EYA1: variants seen among roughly 807,000 people sequenced by gnomAD.
The protein encoded by EYA1 is EYA transcriptional coactivator and phosphatase 1.
A neutral mutation model predicts 82.0 loss-of-function variants in EYA1; 16 were observed. The observed-to-expected ratio is 0.20, with a 90% confidence interval of 0.13 to 0.30. The LOEUF (loss-of-function observed/expected upper bound fraction) is 0.30. EYA1 is among the 10% of genes least tolerant of loss of function. The pLI is 1.00. For missense variants in EYA1, 633 were observed against 730.7 expected, an observed-to-expected ratio of 0.87 and a Z score of 1.54; for synonymous variants, 261 against 264.4, an observed-to-expected ratio of 0.99 and a Z score of 0.12.
chr8:71,223,823 T>C (rs1392899547), intron 12 of EYA1, among the ~76,000 whole-genome samples: 1 of 152,222 alleles, frequency 6.6e-6, no homozygotes, highest in Non-Finnish European at 1.5e-5. Flanking sequence ...CAGAGGCTCA[T>C]ATGCAAAATA....
chr8:71,309,691 A>G (rs1221073890), intron 7 of EYA1, among the ~76,000 whole-genome samples: 1 of 152,206 alleles, frequency 6.6e-6, no homozygotes, highest in South Asian at 2.1e-4. Flanking sequence ...GTTCAGGCGT[A>G]CATTTGAAAA....
intron 2 of EYA1, among the ~76,000 whole-genome samples, chr8:71,442,212 A>G (rs1172024985): frequency 6.6e-6 from 1 of 152,220 alleles, no homozygotes; most frequent in African/African-American, 2.4e-5. Flanking sequence ...GCAATGCACT[A>G]AACTCTTCAC....
At chr8:71,207,364 A>AAGTT (rs1213636558) in intron 17 of EYA1, among the ~76,000 whole-genome samples, 2 of 152,210 alleles carry the variant, frequency 1.3e-5, no homozygotes, top group African/African-American at 2.4e-5. Context: ...TCCTTCAATA[A>AAGTT]AGTTAGAAAA....
intron 2 of EYA1, among the ~76,000 whole-genome samples, chr8:71,532,230 C>G (rs1586898792): frequency 6.6e-6 from 1 of 152,272 alleles, no homozygotes; most frequent in East Asian, 1.9e-4. Context: ...GGAATGAACA[C>G]ACTCTTGTTT....
intron 2 of EYA1, among the ~76,000 whole-genome samples, chr8:71,519,037 T>G (rs190447565): frequency 1.3e-5 from 2 of 152,312 alleles, no homozygotes; most frequent in African/African-American, 4.8e-5. Context: ...ACTGTACAGT[T>G]TGGTTACCAA....
intron 7 of EYA1, among the ~76,000 whole-genome samples, chr8:71,300,173 C>T (rs1820047371): frequency 6.6e-6 from 1 of 152,010 alleles, no homozygotes. Context: ...ATTAAAATGG[C>T]GTATGGAAAA....
chr8:71,486,804 T>C (rs1810606358), intron 2 of EYA1, among the ~76,000 whole-genome samples: 1 of 151,986 alleles, frequency 6.6e-6, no homozygotes, highest in African/African-American at 2.4e-5. Context: ...CTCAGGGTCA[T>C]GCTGAAAGAA....
At chr8:71,397,980 G>A (rs1380748334) in intron 2 of EYA1, among the ~76,000 whole-genome samples, 1 of 152,114 alleles carries the variant, frequency 6.6e-6, no homozygotes, top group African/African-American at 2.4e-5. Flanking sequence ...TGGAGGCTTT[G>A]TTCATTTCTT....
chr8:71,305,007 G>T (rs1820574146), intron 7 of EYA1, among the ~76,000 whole-genome samples: 1 of 142,916 alleles, frequency 7.0e-6, no homozygotes, highest in Admixed American at 6.9e-5. Context: ...CACCAGGCTT[G>T]AACCTGGATG....
chr8:71,292,720 A>C (rs1819140246), intron 9 of EYA1, among the ~76,000 whole-genome samples: 1 of 152,068 alleles, frequency 6.6e-6, no homozygotes, highest in Non-Finnish European at 1.5e-5. Context: ...TAAAAACAAA[A>C]ATAAGTATTA....
intron 2 of EYA1, among the ~76,000 whole-genome samples, chr8:71,462,392 G>T (rs1808425435): frequency 6.6e-6 from 1 of 152,168 alleles, no homozygotes; most frequent in Non-Finnish European, 1.5e-5. Context: ...TGGGTGCCAG[G>T]AAGAGGGAGA....
At chr8:71,351,740 G>A (rs1826330497) in intron 3 of EYA1, among the ~76,000 whole-genome samples, 1 of 152,170 alleles carries the variant, frequency 6.6e-6, no homozygotes, top group Non-Finnish European at 1.5e-5. Context: ...GACTTAAGAA[G>A]AAACTTAATA....
Position 71,283,309 on chromosome 8 carries a change from C to A in EYA1, c.827-11412G>T, listed in dbSNP as rs566550002. 1.1e-3 allele frequency among the ~76,000 whole-genome samples: 169 copies of A among 152,278 alleles called. 1 individual carries two copies. Among genetic ancestry groups the A allele is most frequent in the African/African-American group, 3.5e-3 (145 of 41,560 alleles). On this transcript the variant is annotated intron_variant, in intron 9 of 17. Coordinates refer to ENST00000340726, the MANE Select transcript of EYA1 (RefSeq NM_000503.6). ...TGAAGGCCTCTGCTCAAGTGTCACC[C>A]GATGGACAACTCTTCCGAAACAGTT...
intron 2 of EYA1, among the ~76,000 whole-genome samples, chr8:71,525,637 A>G (rs1293004633): frequency 6.6e-6 from 1 of 152,150 alleles, no homozygotes; most frequent in African/African-American, 2.4e-5. Context: ...CTCACCCTCA[A>G]ATTATCAAAA....
intron 2 of EYA1, among the ~76,000 whole-genome samples, chr8:71,435,130 C>T (rs1016576631): frequency 6.6e-6 from 1 of 152,112 alleles, no homozygotes; most frequent in Non-Finnish European, 1.5e-5. Context: ...ATTCAAGGTT[C>T]TGGGAAACCT....
At chr8:71,506,718 T>C (rs1314812395) in intron 2 of EYA1, among the ~76,000 whole-genome samples, 3 of 151,960 alleles carry the variant, frequency 2.0e-5, no homozygotes, top group Admixed American at 6.6e-5. Flanking sequence ...ATGTAAAAAA[T>C]AAAAGCATGA....
chr8:71,456,291 A>G (rs1203363111), intron 2 of EYA1, among the ~76,000 whole-genome samples: 5 of 152,240 alleles, frequency 3.3e-5, no homozygotes, highest in Non-Finnish European at 7.3e-5. Flanking sequence ...TTCCATGCTC[A>G]TGGATAGGAA....
intron 12 of EYA1, chr8:71,225,118 C>A: frequency 2.9e-6 from 1 of 347,564 alleles, no homozygotes; most frequent in Non-Finnish European, 5.9e-6. Flanking sequence ...AAAGAGGAGA[C>A]TGCCCAACTG....
At chr8:71,475,979 G>C (rs1809631695) in intron 2 of EYA1, among the ~76,000 whole-genome samples, 3 of 152,046 alleles carry the variant, frequency 2.0e-5, no homozygotes, top group Admixed American at 2.0e-4. Context: ...ATTTAAAGCT[G>C]GAAGAAAGAA....
Sources: gnomAD v4.1 joint callset for allele counts (sites outside exome capture counted in the v4.1 genomes callset) on GRCh38, gnomAD v4.1.1 for gene constraint, MANE v1.5 for transcripts, NCBI Gene and HGNC (gene_info 2026-07-23, HGNC 2026-07-21) for gene names.